Variants in VPS13A observed in about 807,000 individuals in gnomAD.
The protein encoded by VPS13A is vacuolar protein sorting 13 homolog A, also known as intermembrane lipid transfer protein VPS13A.
In VPS13A, 264 loss-of-function variants were observed where a neutral mutation model predicts 390.9. The ratio of observed to expected loss-of-function variants is 0.68; its 90% CI spans 0.61 to 0.75. The LOEUF (loss-of-function observed/expected upper bound fraction) is 0.75. VPS13A is among the 30% of genes least tolerant of loss of function. VPS13A has a pLI of 0.00. For synonymous variants in VPS13A, 1,231 were observed against 1,227.1 expected, an observed-to-expected ratio of 1.00 and a Z score of -0.07; for missense variants, 3,409 against 3,733.9, an observed-to-expected ratio of 0.91 and a Z score of 2.27.
intron 22 of VPS13A, among the ~76,000 whole-genome samples, chr9:77,255,808 T>C (rs1305883382): frequency 1.3e-5 from 2 of 152,114 alleles, no homozygotes; most frequent in African/African-American, 4.8e-5. Flanking sequence ...TAATTGTCTC[T>C]CTCTTAACAG....
At position 77,339,635 on chromosome 9, in the gene VPS13A, A is replaced by G; in HGVS notation, c.6498A>G (p.Lys2166=). The change falls in exon 48 of 72, where the codon AAA becomes AAG. Residue 2166 remains lysine (K), a synonymous_variant. Coordinates refer to ENST00000360280, the MANE Select transcript of VPS13A (RefSeq NM_033305.3). ...TTGACTATCTCAATCACGATTGGAA[A>G]AGTGAATATCACATAAAGCCTAATC... ...KLLDYLNHDW[K]SEYHIKPNQQ... The G allele has an allele frequency of 6.2e-7, 1 of 1,613,972 alleles. No homozygotes were observed. Among genetic ancestry groups the G allele is most frequent in the Non-Finnish European group, 8.5e-7 (1 of 1,179,952 alleles).
chr9:77,209,127 C>A (rs1433001786), intron 5 of VPS13A, among the ~76,000 whole-genome samples: 2 of 152,092 alleles, frequency 1.3e-5, no homozygotes, highest in Admixed American at 1.3e-4. Context: ...GTAATTCTTA[C>A]CCAATAATCT....
intron 34 of VPS13A, 90 bp downstream of exon 34, chr9:77,303,152 A>G: frequency 7.5e-7 from 1 of 1,324,812 alleles, no homozygotes; most frequent in South Asian, 1.2e-5. Context: ...TGGAATTTGT[A>G]TATACATAAT....
In VPS13A at chr9:77,265,028, G is replaced by A. The variant is rs141683223; in HGVS notation, c.2427+4804G>A. On this transcript the variant is annotated intron_variant, in intron 23 of 71. Transcript: ENST00000360280. ...TGAAGGGTGTTGAATTTTATCGAAG[G>A]CCTTTTCCGCATCTATTGAGGTAAT... is the stretch of plus-strand genomic sequence containing the variant. 5.1e-3 allele frequency among the ~76,000 whole-genome samples: 772 copies of A among 152,262 alleles called. 9 individuals carry two copies. The highest frequency in any genetic ancestry group is 0.018 in the African/African-American group (746 of 41,540).
At chr9:77,373,456 C>A (rs952166329) in intron 67 of VPS13A, among the ~76,000 whole-genome samples, 1 of 124,970 alleles carries the variant, frequency 8.0e-6, no homozygotes, top group Non-Finnish European at 1.8e-5. Flanking sequence ...AAACTGGATC[C>A]CTTCCTTACA....
intron 31 of VPS13A, among the ~76,000 whole-genome samples, chr9:77,293,074 TA>T (rs141118682): frequency 6.0e-4 from 87 of 146,108 alleles, no homozygotes; most frequent in African/African-American, 9.0e-4. Context: ...TCTTCTCCAT[TA>T]AAAAAAAAAG....
In VPS13A at chr9:77,303,699, A is replaced by G. The variant is rs536690762; in HGVS notation, c.3960+637A>G. ...CAGCAAAAAACGTGTGAGCAAAAGA[A>G]TCTATGTCATAATTAAGTTCAAGGG... On this transcript the variant is annotated intron_variant, in intron 34 of 71. Transcript: ENST00000360280. Among the ~76,000 whole-genome samples, 780 of 152,280 alleles carry G rather than the reference A, an allele frequency of 5.1e-3. 6 individuals carry two copies. The highest frequency in any genetic ancestry group is 0.018 in the African/African-American group (739 of 41,552).
chr9:77,383,001 A>G (rs1158586835), intron 68 of VPS13A: 6 of 985,104 alleles, frequency 6.1e-6, no homozygotes, highest in Non-Finnish European at 7.2e-6. Context: ...TTTGTTTGAA[A>G]ACAAACAAGG....
At chr9:77,399,181 T>TAAAAAAAAAA (rs1223344360) in intron 68 of VPS13A, among the ~76,000 whole-genome samples, 77 of 34,908 alleles carry the variant, frequency 2.2e-3, no homozygotes, top group East Asian at 5.8e-3. Flanking sequence ...AAAAAAAAAA[T>TAAAAAAAAAA]AAAAAAAAAA....
chr9:77,245,219 A>G (rs1178269057), intron 19 of VPS13A, among the ~76,000 whole-genome samples: 1 of 152,196 alleles, frequency 6.6e-6, no homozygotes, highest in African/African-American at 2.4e-5. Context: ...GTGTCCTGGT[A>G]TCAAGAAAGG....
intron 22 of VPS13A, among the ~76,000 whole-genome samples, chr9:77,257,426 G>A (rs931755422): frequency 1.3e-5 from 2 of 151,754 alleles, no homozygotes; most frequent in African/African-American, 4.8e-5. Flanking sequence ...TGTAGAGATG[G>A]GTCTTGCTAT....
intron 44 of VPS13A, 133 bp from the exon 45 acceptor site, chr9:77,322,934 A>G: frequency 2.9e-6 from 2 of 699,136 alleles, no homozygotes; most frequent in Non-Finnish European, 4.6e-6. Flanking sequence ...CCTTTTATGG[A>G]CTATATCCAA....
chr9:77,293,615 T>A, intron 32 of VPS13A, 107 bp downstream of exon 32: 1 of 630,508 alleles, frequency 1.6e-6, no homozygotes, highest in Non-Finnish European at 2.4e-6. Flanking sequence ...TTTTTTCTGA[T>A]TTTTTAAATC....
intron 19 of VPS13A, among the ~76,000 whole-genome samples, chr9:77,240,805 A>G (rs543156461): frequency 6.6e-6 from 1 of 152,242 alleles, no homozygotes; most frequent in South Asian, 2.1e-4. Context: ...TACTGTATGT[A>G]GAATTAAAGG....
In VPS13A at chr9:77,369,383, G is replaced by T; in HGVS notation, c.8638G>T (p.Val2880Leu). Residue 2880 changes from valine (V) to leucine (L), a missense_variant, in exon 63 of 72, where the codon GTA becomes TTA. Transcript: ENST00000360280. ...FGLIREFSEG[V>L]EAFFYEPYQG... ...CTTAATTAGAGAATTTTCTGAAGGT[G>T]TAGAAGCATTTTTTTATGAACCTTA... The T allele has an allele frequency of 6.2e-7, 1 of 1,612,898 alleles. No individual in the cohort carries two copies. The highest frequency in any genetic ancestry group is 8.5e-7 in the Non-Finnish European group (1 of 1,179,016).
chr9:77,383,709 A>G (rs1587700910), intron 68 of VPS13A, among the ~76,000 whole-genome samples: 1 of 152,084 alleles, frequency 6.6e-6, no homozygotes, highest in East Asian at 1.9e-4. Flanking sequence ...ATGTAAAAAC[A>G]TGACTTTTGA....
At chr9:77,249,987 T>A in intron 20 of VPS13A, 110 bp from the exon 21 acceptor site, 1 of 1,225,708 alleles carries the variant, frequency 8.2e-7, no homozygotes, top group Non-Finnish European at 1.2e-6. Flanking sequence ...GTATGCTTAC[T>A]TGTGAATTTA....
chr9:77,286,439 A>G (rs1564696262), intron 31 of VPS13A, among the ~76,000 whole-genome samples: 1 of 152,172 alleles, frequency 6.6e-6, no homozygotes, highest in African/African-American at 2.4e-5. Flanking sequence ...TCAAAAGTTT[A>G]TTCTCCAGTA....
At chr9:77,344,853 T>C (rs1018823355) in intron 51 of VPS13A, among the ~76,000 whole-genome samples, 156 bp from the exon 52 acceptor site, 4 of 152,220 alleles carry the variant, frequency 2.6e-5, no homozygotes, top group African/African-American at 7.2e-5. Flanking sequence ...ATTGAGATTA[T>C]AGATTTCCAG....
Sources: gnomAD v4.1 joint callset for allele counts (sites outside exome capture counted in the v4.1 genomes callset) on GRCh38, gnomAD v4.1.1 for gene constraint, MANE v1.5 for transcripts, NCBI Gene and HGNC (gene_info 2026-07-23, HGNC 2026-07-21) for gene names.